Variants in RABGAP1L observed in about 807,000 individuals in gnomAD.
RABGAP1L encodes the protein RAB GTPase activating protein 1 like.
RABGAP1L carries 63 observed loss-of-function variants against 137.7 expected under a neutral mutation model. The ratio of observed to expected loss-of-function variants is 0.46; its 90% CI spans 0.37 to 0.56. RABGAP1L has a LOEUF of 0.56. Ranked by LOEUF, RABGAP1L falls within the 20% of genes least tolerant of loss-of-function variation. The probability of loss-of-function intolerance (pLI) is 0.00; values close to 1 mark genes in which losing one functional copy is unlikely to be tolerated. For missense variants in RABGAP1L, 1,095 were observed against 1,244.0 expected (o/e 0.88, Z 1.80); for synonymous variants, 431 against 433.7 (o/e 0.99, Z 0.08).
intron 19 of RABGAP1L, among the ~76,000 whole-genome samples, chr1:174,916,819 T>C (rs1248982123): frequency 1.3e-5 from 2 of 152,230 alleles, no homozygotes; most frequent in Non-Finnish European, 2.9e-5. Flanking sequence ...GCATAATCTT[T>C]AGCTGAAGGC....
At position 174,250,114 on chromosome 1, in the gene RABGAP1L, A is replaced by G. The variant is rs1571775477; in HGVS notation, c.718-361A>G. Among the ~76,000 whole-genome samples, 4 of 152,294 alleles carry G rather than the reference A, an allele frequency of 2.6e-5. No homozygotes were observed. The South Asian group carries it at 8.3e-4, about 32-fold the overall frequency. On this transcript the variant is annotated intron_variant, in intron 5 of 25. Coordinates refer to ENST00000681986, the MANE Select transcript of RABGAP1L (RefSeq NM_001366446.1). ...CTTAAGTTTCCATGAAGTGAAATGT[A>G]CCCCATTATTAATTTCAAAGTAAAA...
At position 174,804,849 on chromosome 1, in the gene RABGAP1L, TA is replaced by T. The variant is rs572750113; in HGVS notation, c.2212-6981del. On this transcript the variant is annotated intron_variant, in intron 18 of 25. Transcript: ENST00000681986. The stretch of plus-strand genomic sequence containing the variant: ...ATTGCATCCTAATCTTGTTTGTTTT[TA>T]ACTTTGTAGACTTTCTTAAACATTA... Among the ~76,000 whole-genome samples, 348 of 152,310 alleles carry T rather than the reference TA, an allele frequency of 2.3e-3. 4 individuals are homozygous for T. The highest frequency in any genetic ancestry group is 8.2e-3 in the African/African-American group (339 of 41,578).
chr1:174,175,087 G>T (rs1665723534), intron 1 of RABGAP1L, among the ~76,000 whole-genome samples: 1 of 151,890 alleles, frequency 6.6e-6, no homozygotes, highest in Non-Finnish European at 1.5e-5. Context: ...TTATCAAATT[G>T]TTTTTTTCAG....
intron 13 of RABGAP1L, among the ~76,000 whole-genome samples, chr1:174,624,957 G>A (rs1342982016): frequency 2.1e-5 from 3 of 145,330 alleles, no homozygotes; most frequent in Non-Finnish European, 3.0e-5. Context: ...TGCAACCTCC[G>A]CCCCCCTGAG....
At chr1:174,562,785 G>A (rs768352341) in intron 13 of RABGAP1L, among the ~76,000 whole-genome samples, 6 of 152,022 alleles carry the variant, frequency 3.9e-5, no homozygotes, top group Admixed American at 2.0e-4. Context: ...GTTCTCACTC[G>A]TAAGTGGGAG....
At chr1:174,332,924 C>A (rs1022288707) in intron 11 of RABGAP1L, among the ~76,000 whole-genome samples, 2 of 152,132 alleles carry the variant, frequency 1.3e-5, no homozygotes, top group Non-Finnish European at 2.9e-5. Flanking sequence ...CCTAAATGTC[C>A]ATCAGTGGAT....
rs71117567 is a variant in RABGAP1L, at chr1:174,534,775, CAAAAAAAAA to C, written c.1711-102579_1711-102571del. ...GGATGACAGAGCGAAACTCTGTCTC[CAAAAAAAAA>C]AAAAAAAAAAAAAAAAAAAATAATT... On this transcript the variant is annotated intron_variant, in intron 13 of 25. Coordinates refer to ENST00000681986, the MANE Select transcript of RABGAP1L (RefSeq NM_001366446.1). Among the ~76,000 whole-genome samples, 33 of 71,620 alleles carry C rather than the reference CAAAAAAAAA, an allele frequency of 4.6e-4. No homozygotes were observed. In the East Asian group the frequency reaches 7.7e-3, roughly 17 times the overall value. The allele number at this position is 71,620 out of a possible 152,430, so 47.0% of individuals were successfully genotyped here.
At chr1:174,903,196 A>G (rs982468126) in intron 19 of RABGAP1L, among the ~76,000 whole-genome samples, 3 of 152,222 alleles carry the variant, frequency 2.0e-5, no homozygotes, top group African/African-American at 7.2e-5. Context: ...CACAAGTACC[A>G]TAAGTGTAAA....
intron 13 of RABGAP1L, among the ~76,000 whole-genome samples, chr1:174,550,993 T>TAC (rs1553330258): frequency 0.013 from 815 of 64,438 alleles, 60 homozygotes; most frequent in African/African-American, 0.061. Flanking sequence ...CATATATATA[T>TAC]ATACACATAT....
chr1:174,596,305 CCCGT>C (rs1393623403), intron 13 of RABGAP1L, among the ~76,000 whole-genome samples: 15 of 151,694 alleles, frequency 9.9e-5, no homozygotes, highest in Admixed American at 9.9e-4. Context: ...GCAGAAATCA[CCCGT>C]CTTCTGCGTG....
At chr1:174,924,613 C>T (rs140090571) in intron 19 of RABGAP1L, among the ~76,000 whole-genome samples, 145 of 152,134 alleles carry the variant, frequency 9.5e-4, no homozygotes, top group Non-Finnish European at 1.2e-3. Flanking sequence ...GATTTTGTCC[C>T]CCTGCTATTC....
rs192416976 is a variant in RABGAP1L at position 174,760,827 on chromosome 1, A to G, written c.2211+8473A>G. Among the ~76,000 whole-genome samples, 302 of 152,320 alleles carry G rather than the reference A, an allele frequency of 2.0e-3. 1 individual carries two copies. The highest frequency in any genetic ancestry group is 6.9e-3 in the African/African-American group (287 of 41,580). On this transcript the variant is annotated intron_variant, in intron 18 of 25. Transcript: ENST00000681986. ...TTCTCTTTACTCTTCACCCTCACCC[A>G]GCATCTGTTGTTTTTTGGCTTTTTA...
chr1:174,640,178 C>G (rs941449523), intron 14 of RABGAP1L, among the ~76,000 whole-genome samples: 1 of 152,064 alleles, frequency 6.6e-6, no homozygotes, highest in Non-Finnish European at 1.5e-5. Flanking sequence ...TGTATACATC[C>G]TACCCTGTAG....
intron 11 of RABGAP1L, among the ~76,000 whole-genome samples, chr1:174,369,675 C>G (rs74128372): frequency 0.035 from 5,278 of 152,148 alleles, 121 homozygotes; most frequent in Middle Eastern, 0.088. Flanking sequence ...AGTAATATTT[C>G]ATTTGCTTTA....
At chr1:174,633,030 C>T (rs959372093) in intron 13 of RABGAP1L, among the ~76,000 whole-genome samples, 5 of 152,064 alleles carry the variant, frequency 3.3e-5, no homozygotes, top group Non-Finnish European at 5.9e-5. Context: ...AAGTTCTGGC[C>T]AGGGCAGTCA....
At chr1:174,408,993 G>A (rs1649597038) in intron 13 of RABGAP1L, among the ~76,000 whole-genome samples, 1 of 152,086 alleles carries the variant, frequency 6.6e-6, no homozygotes, top group South Asian at 2.1e-4. Flanking sequence ...TTCTGAGTAT[G>A]TTCTCCTATT....
intron 12 of RABGAP1L, among the ~76,000 whole-genome samples, chr1:174,388,479 A>C (rs894606460): frequency 6.6e-6 from 1 of 151,898 alleles, no homozygotes; most frequent in African/African-American, 2.4e-5. Context: ...ACATAAGCTA[A>C]AGAAAGAAAG....
At chr1:174,339,837 C>G (rs1681815190) in intron 11 of RABGAP1L, among the ~76,000 whole-genome samples, 1 of 152,020 alleles carries the variant, frequency 6.6e-6, no homozygotes, top group Non-Finnish European at 1.5e-5. Flanking sequence ...GTACTCCTGA[C>G]CTCAAGTGAT....
intron 19 of RABGAP1L, among the ~76,000 whole-genome samples, chr1:174,898,799 G>T (rs2149148140): frequency 6.6e-6 from 1 of 152,224 alleles, no homozygotes; most frequent in African/African-American, 2.4e-5. Context: ...TTTTAAAATG[G>T]AATATTTATT....
Sources: gnomAD v4.1 joint callset for allele counts (sites outside exome capture counted in the v4.1 genomes callset) on GRCh38, gnomAD v4.1.1 for gene constraint, MANE v1.5 for transcripts, NCBI Gene and HGNC (gene_info 2026-07-23, HGNC 2026-07-21) for gene names.